Variants in CNKSR2 observed in about 807,000 individuals in gnomAD.
CNKSR2 encodes the protein connector enhancer of kinase suppressor of Ras 2, also known as CNK homolog protein 2.
In CNKSR2, 14 loss-of-function variants were observed where a neutral mutation model predicts 84.4. The observed-to-expected ratio is 0.17, with a 90% confidence interval of 0.11 to 0.26. CNKSR2 has a LOEUF of 0.26. CNKSR2 is among the 10% of genes least tolerant of loss of function. CNKSR2 has a pLI of 1.00. For synonymous variants in CNKSR2, 275 were observed against 277.9 expected (o/e 0.99, Z 0.10); for missense variants, 485 against 771.2 (o/e 0.63, Z 4.40).
intron 11 of CNKSR2, among the ~76,000 whole-genome samples, chrX:21,545,689 G>A (rs546733130): frequency 8.9e-6 from 1 of 112,077 alleles, no homozygotes; most frequent in Admixed American, 9.3e-5. Context: ...GCATCTGGCA[G>A]GTGCCCCTCT....
At chrX:21,399,381 C>A (rs2090159883) in intron 1 of CNKSR2, among the ~76,000 whole-genome samples, 1 of 111,148 alleles carries the variant, frequency 9.0e-6, no homozygotes, top group Non-Finnish European at 1.9e-5. Context: ...ACTTGCATAT[C>A]CTTCAAATGA....
intron 4 of CNKSR2, among the ~76,000 whole-genome samples, chrX:21,448,368 GCA>G (rs1240571814): frequency 2.7e-5 from 3 of 111,860 alleles, no homozygotes; most frequent in African/African-American, 6.5e-5. Context: ...AGTGGTTATT[GCA>G]CACTTGTAAT....
At chrX:21,387,680 T>A (rs989469679) in intron 1 of CNKSR2, among the ~76,000 whole-genome samples, 10 of 111,215 alleles carry the variant, frequency 9.0e-5, no homozygotes, top group Non-Finnish European at 1.7e-4. Context: ...CATTCTTTTT[T>A]CCTATGTCAA....
At chrX:21,451,048 C>T (rs1427294914) in intron 4 of CNKSR2, among the ~76,000 whole-genome samples, 2 of 111,862 alleles carry the variant, frequency 1.8e-5, no homozygotes, top group African/African-American at 6.5e-5. Flanking sequence ...TTATTTTCAA[C>T]AATATGGCTT....
At chrX:21,399,079 A>G (rs1393471220) in intron 1 of CNKSR2, among the ~76,000 whole-genome samples, 1 of 110,678 alleles carries the variant, frequency 9.0e-6, no homozygotes, top group Non-Finnish European at 1.9e-5. Flanking sequence ...TGGAATCTAT[A>G]TGTATATCTA....
chrX:21,625,419 C>A (rs1054471566), intron 20 of CNKSR2, among the ~76,000 whole-genome samples: 1 of 111,967 alleles, frequency 8.9e-6, no homozygotes, highest in African/African-American at 3.2e-5. Context: ...GCAACCCCTT[C>A]CAACATTTCC....
At chrX:21,409,432 G>T (rs1323997709) in intron 1 of CNKSR2, among the ~76,000 whole-genome samples, 1 of 106,046 alleles carries the variant, frequency 9.4e-6, no homozygotes. Context: ...GTAAAATTTG[G>T]AGTCTAGAGG....
chrX:21,612,355 A>C (rs979077237), intron 20 of CNKSR2, among the ~76,000 whole-genome samples: 3 of 112,188 alleles, frequency 2.7e-5, no homozygotes, highest in African/African-American at 9.7e-5. Context: ...CTGTGCTGCC[A>C]CACAGTTCAG....
intron 5 of CNKSR2, among the ~76,000 whole-genome samples, chrX:21,475,328 A>G (rs940377133): frequency 1.8e-5 from 2 of 112,049 alleles, no homozygotes; most frequent in Admixed American, 9.5e-5. Flanking sequence ...TATACCTACT[A>G]TGTACTCAAA....
intron 8 of CNKSR2, chrX:21,504,974 C>T: frequency 3.5e-6 from 1 of 283,204 alleles, no homozygotes. Flanking sequence ...TCCACTTCAT[C>T]TGCCACTACA....
At chrX:21,486,726 T>G (rs1474532318) in intron 5 of CNKSR2, among the ~76,000 whole-genome samples, 1 of 112,214 alleles carries the variant, frequency 8.9e-6, no homozygotes, top group Non-Finnish European at 1.9e-5. Context: ...TGATTTTCTT[T>G]TTCTAGAATA....
At chrX:21,590,923 T>C (rs1331436247) in intron 14 of CNKSR2, 99 bp from the exon 15 acceptor site, 8 of 761,074 alleles carry the variant, frequency 1.1e-5, no homozygotes, top group Non-Finnish European at 1.3e-5. Flanking sequence ...ATAAAAATTT[T>C]TAAGATTTTC....
chrX:21,581,239 A>T, intron 13 of CNKSR2, among the ~76,000 whole-genome samples: 1 of 111,905 alleles, frequency 8.9e-6, no homozygotes, highest in Non-Finnish European at 1.9e-5. Flanking sequence ...TGATCCTGGA[A>T]AGTTATTGTT....
intron 4 of CNKSR2, among the ~76,000 whole-genome samples, chrX:21,463,632 T>C (rs1308848693): frequency 1.8e-5 from 2 of 111,480 alleles, no homozygotes; most frequent in Non-Finnish European, 3.8e-5. Context: ...CTGCTAGTTA[T>C]TCAGGGCCCA....
At chrX:21,403,057 G>A (rs73449425) in intron 1 of CNKSR2, among the ~76,000 whole-genome samples, 5,625 of 111,105 alleles carry the variant, frequency 0.051, 348 homozygotes, top group African/African-American at 0.17. Flanking sequence ...TAGCCTCCAA[G>A]TGGATTAGGT....
At chrX:21,637,059 G>A (rs951946307) in intron 20 of CNKSR2, among the ~76,000 whole-genome samples, 3 of 111,347 alleles carry the variant, frequency 2.7e-5, no homozygotes, top group African/African-American at 9.8e-5. Flanking sequence ...CAGTTGTTTC[G>A]TAAAAACTTC....
intron 5 of CNKSR2, among the ~76,000 whole-genome samples, chrX:21,489,511 G>A (rs992596152): frequency 1.8e-5 from 2 of 111,576 alleles, no homozygotes; most frequent in African/African-American, 6.5e-5. Flanking sequence ...AGTCTGTGAA[G>A]CATCTGAGGG....
chrX:21,647,077 C>T (rs148414803), intron 20 of CNKSR2, among the ~76,000 whole-genome samples: 235 of 111,923 alleles, frequency 2.1e-3, no homozygotes, highest in African/African-American at 6.9e-3. Flanking sequence ...CCTCAAAATC[C>T]TCTAGGTGTT....
At chrX:21,578,045 G>T (rs2092330252) in intron 13 of CNKSR2, among the ~76,000 whole-genome samples, 1 of 111,077 alleles carries the variant, frequency 9.0e-6, no homozygotes, top group South Asian at 3.7e-4. Context: ...ACAGCAATTG[G>T]CAATGGACCA....
Sources: gnomAD v4.1 joint callset for allele counts (sites outside exome capture counted in the v4.1 genomes callset) on GRCh38, gnomAD v4.1.1 for gene constraint, MANE v1.5 for transcripts, NCBI Gene and HGNC (gene_info 2026-07-23, HGNC 2026-07-21) for gene names.